SMCR8: variants seen among roughly 807,000 people sequenced by gnomAD.
SMCR8 encodes the protein SMCR8-C9orf72 complex subunit.
A neutral mutation model predicts 56.6 loss-of-function variants in SMCR8; 30 were observed. The ratio of observed to expected loss-of-function variants is 0.53; its 90% confidence interval spans 0.40 to 0.72. SMCR8 has a LOEUF of 0.72. Ranked by LOEUF, SMCR8 falls within the 30% of genes least tolerant of loss-of-function variation. The pLI is 0.00. For synonymous variants in SMCR8, 538 were observed against 456.0 expected (o/e 1.18, Z -2.29); for missense variants, 1,198 against 1,157.0 (o/e 1.04, Z -0.51).
In SMCR8 at chr17:18,326,127, C is replaced by T. The variant is rs1207031434; in HGVS notation, c.*3057C>T. On this transcript the variant is annotated 3_prime_UTR_variant, in exon 2 of 2. Transcript: ENST00000406438. ...GAAGGTTAGTAAGTTTTTAATGAAA[C>T]CATTAAAAATTACACTTCCCAGAAA... 1 of 152,104 alleles carries T rather than the reference C, an allele frequency of 6.6e-6. No individual in the cohort carries two copies. The highest frequency in any genetic ancestry group is 1.9e-4 in the East Asian group (1 of 5,198). 9.4% of individuals were successfully genotyped at this position (152,104 alleles called of 1,614,324 possible).
At position 18,316,576 on chromosome 17, in the gene SMCR8, G is replaced by C; in HGVS notation, c.787G>C (p.Gly263Arg). Residue 263 changes from glycine (G) to arginine (R), a missense_variant, in exon 1 of 2, where the codon GGG (glycine) becomes CGG (arginine). Transcript: ENST00000406438. ...CTCATACCCTCATCGGAAGTTGAAG[G>C]GGCATGATTTGTGTCCTGGTGAGAT... is the stretch of plus-strand genomic sequence containing the variant. Reference protein sequence around the residue: ...IRSYPHRKLKGHDLCPGEMEH... With the variant: ...IRSYPHRKLKRHDLCPGEMEH... 2 of 1,614,162 alleles carry C rather than the reference G, an allele frequency of 1.2e-6. No homozygotes were observed. Among genetic ancestry groups the C allele is most frequent in the Non-Finnish European group, 1.7e-6 (2 of 1,180,034 alleles).
intron 1 of SMCR8, among the ~76,000 whole-genome samples, chr17:18,318,872 GA>G (rs1277955298): frequency 6.6e-6 from 1 of 152,196 alleles, no homozygotes; most frequent in East Asian, 1.9e-4. Context: ...GACTCCGGGG[GA>G]AAGGGTTAGG....
At position 18,327,704 on chromosome 17, in the gene SMCR8, T is replaced by C. The variant is rs572776361; in HGVS notation, c.*4634T>C. ...ATTTTTTAAAAAGCTATTTTATTAC[T>C]GCATGTTCCCGTCCCGTCTTGTGAA... On this transcript the variant is annotated 3_prime_UTR_variant, in exon 2 of 2. Transcript: ENST00000406438. 1 of 152,602 alleles carries C rather than the reference T, an allele frequency of 6.6e-6. No homozygotes were observed. The highest frequency in any genetic ancestry group is 1.9e-4 in the East Asian group (1 of 5,186). 9.5% of individuals were successfully genotyped at this position (152,602 alleles called of 1,614,324 possible).
Position 18,322,889 on chromosome 17 carries a change from A to T in SMCR8, c.2633A>T (p.Glu878Val), listed in dbSNP as rs1291146325. Residue 878 changes from glutamate (E) to valine (V), a missense_variant, in exon 2 of 2, where the codon GAG becomes GTG. Coordinates refer to ENST00000406438, the MANE Select transcript of SMCR8 (RefSeq NM_144775.3). ...CCTACCCACGACAAGGAGACAGAGG[A>T]GCTGGTAGCCAGCCGCCAGATGAGC... is the stretch of plus-strand genomic sequence containing the variant. The part of the protein sequence containing the change: ...HLPTHDKETE[E>V]LVASRQMSFL... 1.2e-6 allele frequency: 2 copies of T among 1,614,152 alleles called. No homozygotes were observed. The highest frequency in any genetic ancestry group is 1.7e-6 in the Non-Finnish European group (2 of 1,180,012).
At position 18,319,902 on chromosome 17, in the gene SMCR8, G is replaced by A. The variant is rs8068530; in HGVS notation, c.2360+1753G>A. 5.2e-3 allele frequency among the ~76,000 whole-genome samples: 792 copies of A among 152,246 alleles called. 5 individuals are homozygous for A. Among genetic ancestry groups the A allele is most frequent in the Middle Eastern group, 0.017 (5 of 294 alleles). On this transcript the variant is annotated intron_variant, in intron 1 of 1. Transcript: ENST00000406438. ...TGCCAGGCTAATTTTTGTATCTTTA[G>A]TAGAGACAGGGTTTCACCATGTTGG...
rs781750801 is a variant in SMCR8, at chr17:18,317,328, C to T, written c.1539C>T (p.Ser513=). 1.2e-5 allele frequency: 19 copies of T among 1,613,982 alleles called. No homozygotes were observed. Among genetic ancestry groups the T allele is most frequent in the African/African-American group, 1.1e-4 (8 of 74,900 alleles). ...AAGCAGTCAGCCACAGGACCATCAGCGAGGACAGTATTGAAGTCCTCAGTA... is the reference window on the plus strand; with the variant it reads ...AAGCAGTCAGCCACAGGACCATCAGTGAGGACAGTATTGAAGTCCTCAGTA... ...RSKAVSHRTI[S]EDSIEVLSTC... Residue 513 remains serine, a synonymous_variant, in exon 1 of 2, where the codon AGC becomes AGT. Coordinates refer to ENST00000406438, the MANE Select transcript of SMCR8 (RefSeq NM_144775.3).
Position 18,316,704 on chromosome 17 carries a change from A to G in SMCR8, c.915A>G (p.Lys305=). 3.1e-6 allele frequency: 5 copies of G among 1,614,066 alleles called. No individual in the cohort carries two copies. Among genetic ancestry groups the G allele is most frequent in the Non-Finnish European group, 4.2e-6 (5 of 1,180,004 alleles). Residue 305 remains lysine (K), a synonymous_variant, in exon 1 of 2, where the codon AAA becomes AAG. Coordinates refer to ENST00000406438, the MANE Select transcript of SMCR8 (RefSeq NM_144775.3). ...CCTGCAGACCAGCCTACACCCCAAAACTTATCAAAGCAAAGTCCACCAAGT... is the reference window on the plus strand; with the variant it reads ...CCTGCAGACCAGCCTACACCCCAAAGCTTATCAAAGCAAAGTCCACCAAGT... The part of the protein sequence containing the change: ...LYTCRPAYTP[K]LIKAKSTKCF...
At chr17:18,320,113 G>A (rs534679661) in intron 1 of SMCR8, among the ~76,000 whole-genome samples, 2 of 152,352 alleles carry the variant, frequency 1.3e-5, no homozygotes, top group Admixed American at 6.5e-5. Context: ...CTAGCCTAGC[G>A]TGTGTCAGAG....
intron 1 of SMCR8, among the ~76,000 whole-genome samples, chr17:18,321,701 A>G (rs1982502682): frequency 6.6e-6 from 1 of 152,118 alleles, no homozygotes; most frequent in African/African-American, 2.4e-5. Context: ...GTGTGGTGGC[A>G]TACGCCTATA....
chr17:18,320,067 C>T (rs764292911), intron 1 of SMCR8, among the ~76,000 whole-genome samples: 2 of 152,222 alleles, frequency 1.3e-5, no homozygotes, highest in African/African-American at 2.4e-5. Context: ...CAAGCCCAGA[C>T]CGAAAAGCAG....
At chr17:18,318,466 C>T (rs531046840) in intron 1 of SMCR8, among the ~76,000 whole-genome samples, 159 of 152,282 alleles carry the variant, frequency 1.0e-3, no homozygotes, top group Non-Finnish European at 1.8e-3. Context: ...TGCAATGGCG[C>T]GATCTTGGCT....
Position 18,318,149 on chromosome 17 carries a change from G to A in SMCR8, c.2360G>A (p.Arg787Lys). ...AAGTGGAAGCTTATTGGCTTGCAGA[G>A]GTAACTGGTTCCAGGTGGTGGGGAA... The part of the protein sequence containing the change: ...FQKWKLIGLQ[R>K]VASPAGAGTL... The change falls in exon 1 of 2, where the codon AGA becomes AAA. Residue 787 changes from arginine to lysine, a missense_variant and splice_region_variant. Physicochemically the swap from Arg to Lys is conservative, Grantham distance 26. Transcript: ENST00000406438. 1 of 1,609,592 alleles carries A rather than the reference G, an allele frequency of 6.2e-7. No individual in the cohort carries two copies. The highest frequency in any genetic ancestry group is 8.5e-7 in the Non-Finnish European group (1 of 1,176,318).
chr17:18,323,115 G>C lies in SMCR8; in HGVS notation c.*45G>C, dbSNP rs751211734. 6.5e-7 allele frequency: 1 copy of C among 1,532,654 alleles called. No individual in the cohort carries two copies. The allele number at this position is 1,532,654 out of a possible 1,614,324, so 94.9% of individuals were successfully genotyped here. A position where few individuals can be genotyped will look rare whatever the true frequency, so the allele number is the denominator to read the frequency against. On this transcript the variant is annotated 3_prime_UTR_variant, in exon 2 of 2. Coordinates refer to ENST00000406438, the MANE Select transcript of SMCR8 (RefSeq NM_144775.3). ...GACCAAGACCTGTGACTCAGGGTAT[G>C]GGGAGGGGAGGGGTTGGCATGACCA... is the stretch of plus-strand genomic sequence containing the variant.
rs1982630034 is a variant in SMCR8 at position 18,325,700 on chromosome 17, ACT to A, written c.*2633_*2634del. On this transcript the variant is annotated 3_prime_UTR_variant, in exon 2 of 2. Coordinates refer to ENST00000406438, the MANE Select transcript of SMCR8 (RefSeq NM_144775.3). ...CCTTCACTCCGGGGAACTGAAACCT[ACT>A]CTGAGTCTCACATCTCTAAACCTCA... The A allele has an allele frequency of 6.6e-6, 1 of 152,146 alleles. No individual in the cohort carries two copies. Among genetic ancestry groups the A allele is most frequent in the Non-Finnish European group, 1.5e-5 (1 of 68,040 alleles). 9.4% of individuals were successfully genotyped at this position (152,146 alleles called of 1,614,324 possible).
rs1417234535 is a variant in SMCR8, at chr17:18,323,152, G to C, written c.*82G>C. 39 of 1,228,398 alleles carry C rather than the reference G, an allele frequency of 3.2e-5. No homozygotes were observed. Among genetic ancestry groups the C allele is most frequent in the Non-Finnish European group, 4.1e-5 (36 of 871,226 alleles). The allele number at this position is 1,228,398 out of a possible 1,614,324, so 76.1% of individuals were successfully genotyped here. Reference sequence around the variant, plus strand: ...GGTTGGCATGACCAAACAGTTGCCTGAGCTGGACTGTTTAAGTTTCTGGTG... The same window carrying C: ...GGTTGGCATGACCAAACAGTTGCCTCAGCTGGACTGTTTAAGTTTCTGGTG... On this transcript the variant is annotated 3_prime_UTR_variant, in exon 2 of 2. Transcript: ENST00000406438.
At position 18,319,870 on chromosome 17, in the gene SMCR8, G is replaced by A. The variant is rs1369408647; in HGVS notation, c.2360+1721G>A. Among the ~76,000 whole-genome samples the A allele has an allele frequency of 4.6e-5, 7 of 152,144 alleles. No homozygotes were observed. The East Asian group carries it at 7.7e-4, about 17-fold the overall frequency. On this transcript the variant is annotated intron_variant, in intron 1 of 1. Coordinates refer to ENST00000406438, the MANE Select transcript of SMCR8 (RefSeq NM_144775.3). ...CCAGTAGCTGGGATTATAGGCGTGC[G>A]CCATCATGCCAGGCTAATTTTTGTA... is the stretch of plus-strand genomic sequence containing the variant.
rs1424384803 is a variant in SMCR8 at position 18,323,105 on chromosome 17, C to T, written c.*35C>T. 1.3e-6 allele frequency: 2 copies of T among 1,574,062 alleles called. No homozygotes were observed. The highest frequency in any genetic ancestry group is 1.2e-5 in the South Asian group (1 of 86,648). ...CAGACACTGTGACCAAGACCTGTGA[C>T]TCAGGGTATGGGGAGGGGAGGGGTT... On this transcript the variant is annotated 3_prime_UTR_variant, in exon 2 of 2. Transcript: ENST00000406438.
rs745404216 is a variant in SMCR8 at position 18,316,439 on chromosome 17, A to G, written c.650A>G (p.Lys217Arg). Residue 217 changes from lysine to arginine, a missense_variant, in exon 1 of 2, where the codon AAG becomes AGG. By Grantham distance (26) the Lys-to-Arg change is conservative. Coordinates refer to ENST00000406438, the MANE Select transcript of SMCR8 (RefSeq NM_144775.3). ...TVLHTETEIQ[K>R]KANDKGFYSS... is the part of the protein sequence containing the mutation. ...CTACACACAGAAACGGAGATCCAGA[A>G]GAAAGCCAACGACAAAGGCTTTTAC... 1.2e-6 allele frequency: 2 copies of G among 1,614,208 alleles called. No individual in the cohort carries two copies. The highest frequency in any genetic ancestry group is 2.2e-5 in the South Asian group (2 of 91,090).
rs775069120 is a variant in SMCR8 at position 18,321,643 on chromosome 17, CAGCCTGGGAAA to C, written c.2361-973_2361-963del. ...TCACTTGAGCTCAGCAGTTCAAGACCAGCCTGGGAAACATAGCAAACTTCCATCTCTACAAA... is the reference window on the plus strand; with the variant it reads ...TCACTTGAGCTCAGCAGTTCAAGACCCATAGCAAACTTCCATCTCTACAAA... On this transcript the variant is annotated intron_variant, in intron 1 of 1. Coordinates refer to ENST00000406438, the MANE Select transcript of SMCR8 (RefSeq NM_144775.3). Among the ~76,000 whole-genome samples the C allele has an allele frequency of 2.1e-3, 327 of 152,170 alleles. 1 individual carries two copies. The highest frequency in any genetic ancestry group is 3.6e-3 in the Non-Finnish European group (248 of 68,004).
Sources: gnomAD v4.1 joint callset for allele counts (sites outside exome capture counted in the v4.1 genomes callset) on GRCh38, gnomAD v4.1.1 for gene constraint, MANE v1.5 for transcripts, NCBI Gene and HGNC (gene_info 2026-07-23, HGNC 2026-07-21) for gene names.